The following ZNF766 variants were observed in gnomAD, a reference collection of about 807,000 sequenced individuals.
The protein encoded by ZNF766 is zinc finger protein 766.
ZNF766 carries 13 observed loss-of-function variants against 13.2 expected under a neutral mutation model. The observed-to-expected ratio is 0.98, with a 90% CI of 0.64 to 1.56. The LOEUF (loss-of-function observed/expected upper bound fraction) is 1.56, where lower values mean the gene tolerates loss of function less well. ZNF766 is among the 40% of genes most tolerant of loss of function. ZNF766 has a pLI of 0.00. For synonymous variants in ZNF766, 178 were observed against 187.6 expected (o/e 0.95, Z 0.42); for missense variants, 521 against 552.2 (o/e 0.94, Z 0.57).
chr19:52,288,027 CTT>C (rs548374068), intron 3 of ZNF766: 73 of 352,960 alleles, frequency 2.1e-4, no homozygotes, highest in Admixed American at 5.3e-4. Flanking sequence ...TTTTCTTTTT[CTT>C]TTTTTTTTTG....
rs369418311 is a variant in ZNF766 at position 52,292,218 on chromosome 19, C to G, written c.*1020C>G. 60 of 701,446 alleles carry G rather than the reference C, an allele frequency of 8.6e-5. 3 individuals are homozygous for G. Among genetic ancestry groups the G allele is most frequent in the East Asian group, 3.0e-4 (11 of 37,250 alleles). 43.5% of individuals were successfully genotyped at this position (701,446 alleles called of 1,614,324 possible). A position where few individuals can be genotyped will look rare whatever the true frequency, so the allele number is the denominator to read the frequency against. On this transcript the variant is annotated 3_prime_UTR_variant, in exon 4 of 4. Coordinates refer to ENST00000439461, the MANE Select transcript of ZNF766 (RefSeq NM_001010851.3). ...TGACTTCATTAGATGAGGAGCGTTT[C>G]TATCCAGTTTCCTGGAGGAATAAGG... is the stretch of plus-strand genomic sequence containing the variant.
intron 1 of ZNF766, among the ~76,000 whole-genome samples, chr19:52,276,480 G>T (rs1454589743): frequency 6.6e-6 from 1 of 152,078 alleles, no homozygotes; most frequent in Non-Finnish European, 1.5e-5. Flanking sequence ...CCATCAATCT[G>T]TTAATAGTCT....
intron 1 of ZNF766, among the ~76,000 whole-genome samples, chr19:52,272,743 C>T (rs1981029470): frequency 6.6e-6 from 1 of 152,188 alleles, no homozygotes; most frequent in Non-Finnish European, 1.5e-5. Flanking sequence ...CATCTCATCT[C>T]ATGGCTTTGA....
rs1408593798 is a variant in ZNF766, at chr19:52,294,511, G to C, written c.*3313G>C. 6.6e-6 allele frequency: 1 copy of C among 152,184 alleles called. No individual in the cohort carries two copies. Among genetic ancestry groups the C allele is most frequent in the East Asian group, 1.9e-4 (1 of 5,192 alleles). 9.4% of individuals were successfully genotyped at this position (152,184 alleles called of 1,614,324 possible). On this transcript the variant is annotated 3_prime_UTR_variant, in exon 4 of 4. Transcript: ENST00000439461. ...CCCGGTTGGTCCAAATATGACTAGG[G>C]AATCGGCATAGGTGACTGGCTTGGG...
intron 1 of ZNF766, among the ~76,000 whole-genome samples, chr19:52,278,226 A>C (rs1457673671): frequency 6.6e-6 from 1 of 151,894 alleles, no homozygotes; most frequent in African/African-American, 2.4e-5. Flanking sequence ...GTGAGCCATC[A>C]CGCCAGGCCT....
intron 3 of ZNF766, among the ~76,000 whole-genome samples, chr19:52,286,956 C>T (rs138692153): frequency 0.016 from 2,366 of 152,250 alleles, 62 homozygotes; most frequent in African/African-American, 0.054. Context: ...CTCCCTCAGC[C>T]TCCCAAGTAG....
chr19:52,273,222 A>G (rs1473372815), intron 1 of ZNF766, among the ~76,000 whole-genome samples: 1 of 152,118 alleles, frequency 6.6e-6, no homozygotes, highest in Non-Finnish European at 1.5e-5. Flanking sequence ...GCTGGCCAGG[A>G]TGGTCTCGAT....
intron 1 of ZNF766, among the ~76,000 whole-genome samples, chr19:52,275,036 A>G (rs117372896): frequency 7.7e-4 from 117 of 152,302 alleles, no homozygotes; most frequent in Non-Finnish European, 1.2e-3. Flanking sequence ...TAGGAAGACA[A>G]AAGAAACAAA....
intron 3 of ZNF766, 51 bp from the exon 4 acceptor site, chr19:52,290,015 A>G: frequency 6.5e-7 from 1 of 1,527,496 alleles, no homozygotes; most frequent in Non-Finnish European, 8.8e-7. Context: ...AAAGTGCAAA[A>G]AACATGCCAG....
intron 3 of ZNF766, among the ~76,000 whole-genome samples, chr19:52,284,272 T>C (rs1027184227): frequency 6.6e-6 from 1 of 152,156 alleles, no homozygotes; most frequent in African/African-American, 2.4e-5. Flanking sequence ...TCTCTGTCCT[T>C]ATACATCAGA....
In ZNF766 at chr19:52,296,013, G is replaced by A. The variant is rs188893881; in HGVS notation, c.*4815G>A. 1.3e-5 allele frequency: 2 copies of A among 151,656 alleles called. No homozygotes were observed. The highest frequency in any genetic ancestry group is 6.6e-5 in the Admixed American group (1 of 15,260). The allele number at this position is 151,656 out of a possible 1,614,324, so 9.4% of individuals were successfully genotyped here. On this transcript the variant is annotated 3_prime_UTR_variant, in exon 4 of 4. Coordinates refer to ENST00000439461, the MANE Select transcript of ZNF766 (RefSeq NM_001010851.3). ...AATTTCACATTTTTTTCTATGTTGA[G>A]TTTATCAATAAATTGATATTGTATA...
Position 52,277,680 on chromosome 19 carries a change from C to T in ZNF766, c.19-4431C>T, listed in dbSNP as rs1981278750. The T allele has an allele frequency of 8.5e-6, 8 of 942,476 alleles. No homozygotes were observed. In the South Asian group the frequency reaches 1.2e-4, roughly 14 times the overall value. 58.4% of individuals were successfully genotyped at this position (942,476 alleles called of 1,614,324 possible). On this transcript the variant is annotated intron_variant, in intron 1 of 3. Transcript: ENST00000439461. ...ACACTCACCCATGCCTTCCTTCAGT[C>T]CCTCTCATCTCGCTTAGATTCCATC...
At chr19:52,280,742 C>G (rs1981466669) in intron 1 of ZNF766, among the ~76,000 whole-genome samples, 1 of 151,890 alleles carries the variant, frequency 6.6e-6, no homozygotes, top group Admixed American at 6.6e-5. Flanking sequence ...ACCGCCACAC[C>G]CAGCTAATTA....
chr19:52,283,581 G>A (rs1320485887), intron 3 of ZNF766, among the ~76,000 whole-genome samples, 168 bp downstream of exon 3: 1 of 152,008 alleles, frequency 6.6e-6, no homozygotes, highest in African/African-American at 2.4e-5. Context: ...GTGATTATAG[G>A]CATGTGCCCC....
chr19:52,285,513 G>A (rs145920666), intron 3 of ZNF766, among the ~76,000 whole-genome samples: 153 of 152,310 alleles, frequency 1.0e-3, no homozygotes, highest in Middle Eastern at 3.4e-3. Context: ...CAGGTTTACC[G>A]GTTTATTATG....
At chr19:52,287,913 C>T (rs1218225041) in intron 3 of ZNF766, 7 of 372,914 alleles carry the variant, frequency 1.9e-5, no homozygotes, top group East Asian at 9.3e-5. Context: ...AAAGTCTTAC[C>T]CAAAGAGTGA....
rs937588759 is a variant in ZNF766, at chr19:52,295,813, C to T, written c.*4615C>T. ...TCAGCTCACTGCAACCTTCACCTCC[C>T]GGGAGCATGCTGCTCTATCTTTTTT... On this transcript the variant is annotated 3_prime_UTR_variant, in exon 4 of 4. Transcript: ENST00000439461. 2.6e-5 allele frequency: 4 copies of T among 151,954 alleles called. No individual in the cohort carries two copies. The highest frequency in any genetic ancestry group is 9.7e-5 in the African/African-American group (4 of 41,366). The allele number at this position is 151,954 out of a possible 1,614,324, so 9.4% of individuals were successfully genotyped here.
chr19:52,283,135 C>G (rs1981616699), intron 2 of ZNF766, 150 bp from the exon 3 acceptor site: 1 of 863,996 alleles, frequency 1.2e-6, no homozygotes, highest in South Asian at 1.9e-5. Flanking sequence ...TCCACAGTGT[C>G]TCCAGCATCT....
chr19:52,271,980 CAA>C (rs371229113), intron 1 of ZNF766, among the ~76,000 whole-genome samples: 6 of 89,162 alleles, frequency 6.7e-5, no homozygotes, highest in Admixed American at 2.8e-4. Context: ...GAGACTGTCT[CAA>C]AAAAAAAAAA....
Sources: gnomAD v4.1 joint callset for allele counts (sites outside exome capture counted in the v4.1 genomes callset) on GRCh38, gnomAD v4.1.1 for gene constraint, MANE v1.5 for transcripts, NCBI Gene and HGNC (gene_info 2026-07-23, HGNC 2026-07-21) for gene names.